Variants in SLC24A2 observed in about 807,000 individuals in gnomAD.
The protein encoded by SLC24A2 is solute carrier family 24 member 2.
Under a neutral mutation model 62.0 loss-of-function variants are expected in SLC24A2, and 36 were observed. The observed-to-expected ratio is 0.58, with a 90% CI of 0.44 to 0.77. The LOEUF (loss-of-function observed/expected upper bound fraction) is 0.77. Among genes scored for constraint, SLC24A2 ranks in the 30% least tolerant of loss-of-function variants. SLC24A2 has a pLI of 0.00. For synonymous variants in SLC24A2, 358 were observed against 294.0 expected (o/e 1.22, Z -2.23); for missense variants, 846 against 817.9 (o/e 1.03, Z -0.42).
chr9:19,544,646 A>T (rs559246637), intron 8 of SLC24A2, among the ~76,000 whole-genome samples: 7 of 152,184 alleles, frequency 4.6e-5, no homozygotes, highest in Admixed American at 3.3e-4. Context: ...ATCTCTCGGC[A>T]TTTGCTTGTC....
the SLC24A2 span, among the ~76,000 whole-genome samples, chr9:19,951,168 G>A: frequency 2.6e-5 from 4 of 151,650 alleles, no homozygotes; most frequent in Non-Finnish European, 4.4e-5. Flanking sequence ...AGAACTTTTG[G>A]GGAAGTGTCC....
chr9:19,921,637 A>G, the SLC24A2 span, among the ~76,000 whole-genome samples: 2 of 151,930 alleles, frequency 1.3e-5, no homozygotes, highest in Non-Finnish European at 2.9e-5. Context: ...AGAAAAATGT[A>G]TTCATCATCA....
At chr9:19,598,864 G>C (rs1836772772) in intron 4 of SLC24A2, among the ~76,000 whole-genome samples, 1 of 152,148 alleles carries the variant, frequency 6.6e-6, no homozygotes. Flanking sequence ...TCTTGGAGTA[G>C]ATTAACAAAT....
chr9:20,089,651 T>C, the SLC24A2 span, among the ~76,000 whole-genome samples: 1 of 152,026 alleles, frequency 6.6e-6, no homozygotes, highest in East Asian at 1.9e-4. Context: ...AGAGTTTCCC[T>C]GGGGAGAGGC....
At chr9:19,869,616 T>G in the SLC24A2 span, among the ~76,000 whole-genome samples, 3 of 152,180 alleles carry the variant, frequency 2.0e-5, no homozygotes, top group African/African-American at 7.2e-5. Context: ...ATGTGTATCT[T>G]AATTTATGAT....
chr9:20,027,151 A>G, the SLC24A2 span, among the ~76,000 whole-genome samples: 7 of 152,150 alleles, frequency 4.6e-5, no homozygotes, highest in Non-Finnish European at 1.0e-4. Flanking sequence ...GACTATTATC[A>G]AAAGGACAAA....
the SLC24A2 span, among the ~76,000 whole-genome samples, chr9:20,058,663 C>A: frequency 6.6e-6 from 1 of 152,184 alleles, no homozygotes; most frequent in Non-Finnish European, 1.5e-5. Context: ...CGTCTGTAAT[C>A]TTAGCACTTT....
the SLC24A2 span, among the ~76,000 whole-genome samples, chr9:20,038,728 C>A: frequency 6.6e-6 from 1 of 150,958 alleles, no homozygotes; most frequent in East Asian, 2.0e-4. Context: ...ACTAGTTTCA[C>A]AAATAATAAG....
At position 19,788,990 on chromosome 9, in the gene SLC24A2, C is replaced by T. The variant is rs1823264918; in HGVS notation, c.-259G>A. 1 of 969,402 alleles carries T rather than the reference C, an allele frequency of 1.0e-6. No individual in the cohort carries two copies. The highest frequency in any genetic ancestry group is 1.8e-5 in the African/African-American group (1 of 57,086). The allele number at this position is 969,402 out of a possible 1,614,324, so 60.1% of individuals were successfully genotyped here. A position where few individuals can be genotyped will look rare whatever the true frequency, so the allele number is the denominator to read the frequency against. ...CCGCTCTGAGGCCCGGGCTCTGGCT[C>T]GCACTGGCTGCCGCTCTCGCCAGCC... is the stretch of plus-strand genomic sequence containing the variant. On this transcript the variant is annotated 5_prime_UTR_variant, in exon 1 of 11. Transcript: ENST00000341998.
chr9:19,864,779 T>C, the SLC24A2 span, among the ~76,000 whole-genome samples: 1 of 151,992 alleles, frequency 6.6e-6, no homozygotes, highest in Non-Finnish European at 1.5e-5. Flanking sequence ...ATCTAGAACA[T>C]GACAAGGATG....
chr9:20,242,018 C>G, the SLC24A2 span, among the ~76,000 whole-genome samples: 1 of 152,326 alleles, frequency 6.6e-6, no homozygotes, highest in East Asian at 1.9e-4. Flanking sequence ...GCCTCATTCA[C>G]CGAAAGCATC....
chr9:20,191,652 G>A, the SLC24A2 span, among the ~76,000 whole-genome samples: 558 of 151,382 alleles, frequency 3.7e-3, 8 homozygotes, highest in African/African-American at 0.013. Flanking sequence ...GCCTCCTTGT[G>A]GCAGTAGAGA....
At position 19,711,815 on chromosome 9, in the gene SLC24A2, C is replaced by T. The variant is rs372740546; in HGVS notation, c.930+74122G>A. On this transcript the variant is annotated intron_variant, in intron 2 of 10. Coordinates refer to ENST00000341998, the MANE Select transcript of SLC24A2 (RefSeq NM_020344.4). ...TGTAGGCAGAAAAGCAAAATAGAAG[C>T]GATAATGTGGGCAAGTGGAAAATAA... Among the ~76,000 whole-genome samples the T allele has an allele frequency of 9.3e-5, 14 of 151,242 alleles. No individual in the cohort carries two copies. The East Asian group carries it at 9.7e-4, about 10-fold the overall frequency.
the SLC24A2 span, among the ~76,000 whole-genome samples, chr9:20,218,071 A>G: frequency 6.6e-6 from 1 of 152,204 alleles, no homozygotes; most frequent in African/African-American, 2.4e-5. Context: ...GCTTCCACAG[A>G]GGAGTGCCTG....
At chr9:20,252,860 G>C in the SLC24A2 span, among the ~76,000 whole-genome samples, 1 of 152,156 alleles carries the variant, frequency 6.6e-6, no homozygotes, top group Non-Finnish European at 1.5e-5. Context: ...CTCTATTCCT[G>C]TCTGTTATGC....
chr9:19,743,903 T>C (rs987034651), intron 2 of SLC24A2, among the ~76,000 whole-genome samples: 1 of 152,114 alleles, frequency 6.6e-6, no homozygotes, highest in African/African-American at 2.4e-5. Context: ...TTTCTCACTT[T>C]ATTAGCCCAT....
the SLC24A2 span, among the ~76,000 whole-genome samples, chr9:20,027,429 G>C: frequency 2.0e-5 from 3 of 152,096 alleles, no homozygotes; most frequent in Non-Finnish European, 4.4e-5. Flanking sequence ...AGTGGATAAA[G>C]AAAATGTGGC....
chr9:19,925,652 T>C, the SLC24A2 span, among the ~76,000 whole-genome samples: 1 of 152,152 alleles, frequency 6.6e-6, no homozygotes, highest in East Asian at 1.9e-4. Flanking sequence ...TCATGTATTT[T>C]TCACAGGAAA....
At chr9:19,594,527 T>C (rs1274685684) in intron 5 of SLC24A2, among the ~76,000 whole-genome samples, 3 of 152,154 alleles carry the variant, frequency 2.0e-5, no homozygotes, top group Admixed American at 1.3e-4. Flanking sequence ...CCAGGCTTCA[T>C]TGCAAGTCAT....
Sources: gnomAD v4.1 joint callset for allele counts (sites outside exome capture counted in the v4.1 genomes callset) on GRCh38, gnomAD v4.1.1 for gene constraint, MANE v1.5 for transcripts, NCBI Gene and HGNC (gene_info 2026-07-23, HGNC 2026-07-21) for gene names.